The following NMU variants were observed in gnomAD, a reference collection of about 807,000 sequenced individuals.
NMU encodes the protein neuromedin-U.
A neutral mutation model predicts 35.4 loss-of-function variants in NMU; 29 were observed. The observed-to-expected ratio is 0.82, with a 90% CI of 0.61 to 1.12. NMU has a LOEUF of 1.12. Among genes scored for constraint, NMU ranks in the 50% most tolerant of loss-of-function variants. The pLI is 0.00. For synonymous variants in NMU, 78 were observed against 81.3 expected (o/e 0.96, Z 0.22); for missense variants, 199 against 206.2 (o/e 0.97, Z 0.21).
Position 55,612,884 on chromosome 4 carries a change from A to G in NMU, c.219+3454T>C, listed in dbSNP as rs552827953. On this transcript the variant is annotated intron_variant, in intron 3 of 9. Coordinates refer to ENST00000264218, the MANE Select transcript of NMU (RefSeq NM_006681.4). ...CAATGGTCATGTAATCACATAAATA[A>G]TAAGATAATAGTATATGTGAAAATT... Among the ~76,000 whole-genome samples, 10 of 152,342 alleles carry G rather than the reference A, an allele frequency of 6.6e-5. No individual in the cohort carries two copies. The South Asian group carries it at 1.2e-3, about 19-fold the overall frequency.
chr4:55,611,338 G>A (rs748791533), intron 3 of NMU, among the ~76,000 whole-genome samples: 6 of 152,048 alleles, frequency 3.9e-5, no homozygotes, highest in African/African-American at 9.7e-5. Context: ...ACTCCAGCCT[G>A]GATGACAGAA....
At chr4:55,626,731 A>T (rs1260998753) in intron 2 of NMU, among the ~76,000 whole-genome samples, 3 of 152,134 alleles carry the variant, frequency 2.0e-5, no homozygotes, top group African/African-American at 7.2e-5. Flanking sequence ...AAACAAACAA[A>T]CAAAAAACCA....
At chr4:55,600,400 C>T in intron 8 of NMU, 122 bp downstream of exon 8, 3 of 694,516 alleles carry the variant, frequency 4.3e-6, no homozygotes, top group East Asian at 2.7e-5. Flanking sequence ...CAGACTGTAA[C>T]ACCTGATGCC....
chr4:55,618,333 T>G (rs1734191371), intron 2 of NMU, among the ~76,000 whole-genome samples: 1 of 152,172 alleles, frequency 6.6e-6, no homozygotes, highest in Non-Finnish European at 1.5e-5. Context: ...AAGCCCCGCA[T>G]GCATTAGGTA....
At chr4:55,607,079 TTAAA>T (rs937741867) in intron 6 of NMU, among the ~76,000 whole-genome samples, 20 of 152,194 alleles carry the variant, frequency 1.3e-4, no homozygotes, top group African/African-American at 4.6e-4. Flanking sequence ...TAAATAACTG[TTAAA>T]TGAATGAATG....
At chr4:55,625,169 T>TAAAAAAAAAAAA (rs760890031) in intron 2 of NMU, among the ~76,000 whole-genome samples, 6 of 98,336 alleles carry the variant, frequency 6.1e-5, no homozygotes, top group Non-Finnish European at 9.5e-5. Flanking sequence ...AAAGTATAAT[T>TAAAAAAAAAAAA]AAAAAAAAAA....
At chr4:55,625,106 C>T (rs181025298) in intron 2 of NMU, among the ~76,000 whole-genome samples, 2,405 of 102,288 alleles carry the variant, frequency 0.024, 43 homozygotes, top group Non-Finnish European at 0.034. Context: ...CAGCATGGCA[C>T]ATGTATACAT....
In NMU at chr4:55,636,106, G is replaced by GAGCAGCAGC. The variant is rs3838644; in HGVS notation, c.78_86dup (p.Leu27_Leu29dup). 3 of 1,514,392 alleles carry GAGCAGCAGC rather than the reference G, an allele frequency of 2.0e-6. No individual in the cohort carries two copies. The highest frequency in any genetic ancestry group is 1.4e-5 in the African/African-American group (1 of 71,832). The allele number at this position is 1,514,392 out of a possible 1,614,324, so 93.8% of individuals were successfully genotyped here. On this transcript the variant is annotated inframe_insertion, in exon 1 of 10. Coordinates refer to ENST00000264218, the MANE Select transcript of NMU (RefSeq NM_006681.4). The surrounding 1 kb of genome is among the most constrained non-coding windows in gnomAD (Gnocchi z 4.0). ...CTCGGCAGGCGCCCGCGCACCAGGCGAGCAGCAGCAGCAGCAGCAGGAGCG... is the reference window on the plus strand; with the variant it reads ...CTCGGCAGGCGCCCGCGCACCAGGCGAGCAGCAGCAGCAGCAGCAGCAGCAGCAGGAGCG...
At chr4:55,625,359 C>T (rs1342538788) in intron 2 of NMU, among the ~76,000 whole-genome samples, 1 of 151,740 alleles carries the variant, frequency 6.6e-6, no homozygotes, top group Non-Finnish European at 1.5e-5. Context: ...TAGAGTATTT[C>T]AAGCTAAAAT....
chr4:55,625,169 TAAA>T (rs760890031), intron 2 of NMU, among the ~76,000 whole-genome samples: 4 of 98,342 alleles, frequency 4.1e-5, no homozygotes, highest in African/African-American at 1.6e-4. Flanking sequence ...AAAGTATAAT[TAAA>T]AAAAAAAAAA....
rs763152223 is a variant in NMU at position 55,605,604 on chromosome 4, G to A, written c.361-255C>T. 5.6e-4 allele frequency among the ~76,000 whole-genome samples: 85 copies of A among 152,196 alleles called. 1 individual carries two copies. The Middle Eastern group carries it at 0.01, about 18-fold the overall frequency. On this transcript the variant is annotated intron_variant, in intron 6 of 9. Coordinates refer to ENST00000264218, the MANE Select transcript of NMU (RefSeq NM_006681.4). ...TATTGAGAAGAAGCACTTTCCTGAC[G>A]GCTGCAGCTCTCTTGTGAACTGTCA...
chr4:55,615,573 A>G (rs1337189303), intron 3 of NMU, among the ~76,000 whole-genome samples: 3 of 152,314 alleles, frequency 2.0e-5, no homozygotes, highest in East Asian at 1.9e-4. Flanking sequence ...TTCAAACTCA[A>G]TTGGGAGATA....
At chr4:55,636,400 C>G (rs1715936494), upstream of NMU, 1 of 678,804 alleles carries the variant, frequency 1.5e-6, no homozygotes, top group Non-Finnish European at 2.2e-6. This position sits in a 1 kb window ranked among gnomAD's most constrained non-coding sequence, Gnocchi z 4.0. Flanking sequence ...CCCCGGCCTA[C>G]CTCGCCTCAC....
At chr4:55,615,436 CT>C (rs1170012303) in intron 3 of NMU, among the ~76,000 whole-genome samples, 1 of 152,154 alleles carries the variant, frequency 6.6e-6, no homozygotes, top group Non-Finnish European at 1.5e-5. Flanking sequence ...AAGTTTAATT[CT>C]GGAGGCAATT....
At position 55,609,140 on chromosome 4, in the gene NMU, C is replaced by G; in HGVS notation, c.259G>C (p.Gly87Arg). Residue 87 changes from glycine (G) to arginine (R), a missense_variant, in exon 4 of 10, where the codon GGA becomes CGA. Gly to Arg is a moderately radical substitution (Grantham distance 125). Transcript: ENST00000264218. ...CTTACCTGAGGCTTTGGTAGCATTC[C>G]CATAATCATAAAGCAAAGCTCCTCC... ...ALEELCFMIM[G>R]MLPKPQEQDE... 6.2e-7 allele frequency: 1 copy of G among 1,613,466 alleles called. No homozygotes were observed. Among genetic ancestry groups the G allele is most frequent in the East Asian group, 2.2e-5 (1 of 44,862 alleles).
At chr4:55,636,393 C>T (rs1690078188), upstream of NMU, 2 of 748,784 alleles carry the variant, frequency 2.7e-6, no homozygotes, top group Admixed American at 4.3e-5. The surrounding 1 kb of genome is among the most constrained non-coding windows in gnomAD (Gnocchi z 4.0). Flanking sequence ...CTGCCGCCCC[C>T]GGCCTACCTC....
At chr4:55,634,422 G>A (rs1237545436) in intron 1 of NMU, among the ~76,000 whole-genome samples, 1 of 152,134 alleles carries the variant, frequency 6.6e-6, no homozygotes, top group Non-Finnish European at 1.5e-5. Context: ...TTTATGAGAC[G>A]ATTGGTATGT....
At chr4:55,613,073 C>T (rs545462965) in intron 3 of NMU, among the ~76,000 whole-genome samples, 4 of 152,052 alleles carry the variant, frequency 2.6e-5, no homozygotes, top group African/African-American at 4.8e-5. Context: ...AAATACCACA[C>T]GTTCTCACTT....
intron 2 of NMU, among the ~76,000 whole-genome samples, chr4:55,619,202 C>T (rs13118189): frequency 0.54 from 80,896 of 150,910 alleles, 22,156 homozygotes; most frequent in South Asian, 0.74. Flanking sequence ...CTACAGCTCC[C>T]AGCGTGAGCG....
Sources: allele counts gnomAD v4.1 joint callset (sites outside exome capture counted in the v4.1 genomes callset), GRCh38; gene constraint gnomAD v4.1.1; non-coding constraint Gnocchi (gnomAD v3.1); transcripts MANE v1.5; gene names NCBI Gene and HGNC (gene_info 2026-07-23, HGNC 2026-07-21).